The following REC114 variants were observed in gnomAD, a reference collection of about 807,000 sequenced individuals.
REC114 encodes the protein meiotic recombination protein REC114.
REC114 carries 27 observed loss-of-function variants against 31.3 expected under a neutral mutation model. That is an observed-to-expected ratio of 0.86 (90% confidence interval 0.64 to 1.19). REC114 has a LOEUF of 1.19. REC114 is among the 50% of genes most tolerant of loss of function. The pLI is 0.00. For missense variants in REC114, 344 were observed against 326.9 expected, an observed-to-expected ratio of 1.05 and a Z score of -0.40; for synonymous variants, 134 against 127.7, an observed-to-expected ratio of 1.05 and a Z score of -0.33.
chr15:73,484,209 T>G (rs1287756626), intron 2 of REC114, among the ~76,000 whole-genome samples: 1 of 152,076 alleles, frequency 6.6e-6, no homozygotes, highest in Non-Finnish European at 1.5e-5. Flanking sequence ...TGTTTCTTCT[T>G]TCAGCTTGGA....
chr15:73,475,560 A>G (rs1893199780), intron 2 of REC114, among the ~76,000 whole-genome samples: 1 of 152,242 alleles, frequency 6.6e-6, no homozygotes, highest in Non-Finnish European at 1.5e-5. Context: ...GTAAAACTAG[A>G]AAAAATATTG....
chr15:73,445,470 C>T (rs1892752108), intron 1 of REC114, among the ~76,000 whole-genome samples: 1 of 152,092 alleles, frequency 6.6e-6, no homozygotes, highest in Non-Finnish European at 1.5e-5. Flanking sequence ...AGAACTTTTC[C>T]TTTGCATTTA....
At chr15:73,489,754 A>C (rs532073095) in intron 2 of REC114, among the ~76,000 whole-genome samples, 1 of 151,754 alleles carries the variant, frequency 6.6e-6, no homozygotes, top group Admixed American at 6.6e-5. Flanking sequence ...CCAGAAAAAA[A>C]AAAAACAAAA....
At chr15:73,528,057 C>CT (rs1346499314) in intron 2 of REC114, among the ~76,000 whole-genome samples, 2 of 151,794 alleles carry the variant, frequency 1.3e-5, no homozygotes, top group African/African-American at 4.9e-5. Context: ...TCAAATGACA[C>CT]TTTTTTAAAA....
intron 2 of REC114, among the ~76,000 whole-genome samples, chr15:73,478,487 C>T (rs1403033586): frequency 6.6e-6 from 1 of 151,980 alleles, no homozygotes; most frequent in East Asian, 1.9e-4. Flanking sequence ...CTGTCTTCTG[C>T]TTTGTTGTAA....
At chr15:73,460,112 C>G (rs1216237411) in intron 1 of REC114, among the ~76,000 whole-genome samples, 1 of 152,088 alleles carries the variant, frequency 6.6e-6, no homozygotes, top group Non-Finnish European at 1.5e-5. Context: ...ATAAATGTTT[C>G]CAACTTGGGA....
Position 73,443,185 on chromosome 15 carries a change from C to G in REC114, c.-1C>G. On this transcript the variant is annotated 5_prime_UTR_variant, in exon 1 of 6. Transcript: ENST00000331090. ...CGGCAGTGCGTGTGGTGAGGCAGGA[C>G]ATGGCGGAGGCAGGAAAAGTGCCCT... is the stretch of plus-strand genomic sequence containing the variant. 6.4e-7 allele frequency: 1 copy of G among 1,562,304 alleles called. No individual in the cohort carries two copies. Among genetic ancestry groups the G allele is most frequent in the South Asian group, 1.2e-5 (1 of 84,246 alleles).
intron 2 of REC114, among the ~76,000 whole-genome samples, chr15:73,509,167 G>A (rs1893726609): frequency 6.6e-6 from 1 of 152,152 alleles, no homozygotes. Flanking sequence ...TCTCAGAGTG[G>A]TTTTGATTTG....
At chr15:73,505,206 C>G (rs1198691616) in intron 2 of REC114, among the ~76,000 whole-genome samples, 1 of 152,156 alleles carries the variant, frequency 6.6e-6, no homozygotes, top group East Asian at 1.9e-4. Context: ...ACCTTAGATT[C>G]ACTATGTTTG....
rs542515741 is a variant in REC114, at chr15:73,553,292, A to T, written c.546+2142A>T. On this transcript the variant is annotated intron_variant, in intron 4 of 5. Coordinates refer to ENST00000331090, the MANE Select transcript of REC114 (RefSeq NM_001042367.2). ...GTTTGATTTTTGTGAAGATGTCTTAATGCTGAAGCTGCTTGCCTCACAAAC... is the reference window on the plus strand; with the variant it reads ...GTTTGATTTTTGTGAAGATGTCTTATTGCTGAAGCTGCTTGCCTCACAAAC... 7.5e-4 allele frequency among the ~76,000 whole-genome samples: 114 copies of T among 152,318 alleles called. 1 individual carries two copies. In the South Asian group the frequency reaches 0.014, roughly 18 times the overall value.
intron 1 of REC114, among the ~76,000 whole-genome samples, chr15:73,454,030 A>C (rs1892886103): frequency 6.6e-6 from 1 of 152,136 alleles, no homozygotes; most frequent in African/African-American, 2.4e-5. Context: ...CCACAGGTTA[A>C]TGGGTGCAGC....
At chr15:73,500,720 C>T (rs1310723630) in intron 2 of REC114, among the ~76,000 whole-genome samples, 5 of 142,128 alleles carry the variant, frequency 3.5e-5, no homozygotes, top group East Asian at 2.1e-4. Flanking sequence ...CTGTTCTCTT[C>T]AATTATTGTT....
chr15:73,496,202 A>G (rs1299967912), intron 2 of REC114, among the ~76,000 whole-genome samples: 2 of 151,630 alleles, frequency 1.3e-5, no homozygotes, highest in Non-Finnish European at 2.9e-5. Context: ...AAATACAAAA[A>G]TTAGTTGAGT....
chr15:73,471,234 G>C (rs1893128207), intron 1 of REC114, among the ~76,000 whole-genome samples: 1 of 152,118 alleles, frequency 6.6e-6, no homozygotes, highest in Non-Finnish European at 1.5e-5. Context: ...ATTTAGACAA[G>C]ACCTATAAGA....
At position 73,511,976 on chromosome 15, in the gene REC114, T is replaced by C. The variant is rs1396347836; in HGVS notation, c.250-28509T>C. ...CTATTAGGTCCGCTTGGTGCAGAGC[T>C]GAGTTCAATTCCTGGGTATCCTTGT... is the stretch of plus-strand genomic sequence containing the variant. On this transcript the variant is annotated intron_variant, in intron 2 of 5. Transcript: ENST00000331090. Among the ~76,000 whole-genome samples, 4 of 112,026 alleles carry C rather than the reference T, an allele frequency of 3.6e-5. No homozygotes were observed. In the East Asian group the frequency reaches 1.1e-3, roughly 30 times the overall value. 73.5% of individuals were successfully genotyped at this position (112,026 alleles called of 152,430 possible). A position where few individuals can be genotyped will look rare whatever the true frequency, so the allele number is the denominator to read the frequency against.
intron 2 of REC114, among the ~76,000 whole-genome samples, chr15:73,493,816 A>T (rs1260525125): frequency 6.6e-6 from 1 of 152,232 alleles, no homozygotes; most frequent in Non-Finnish European, 1.5e-5. Flanking sequence ...CCCTTCTGGT[A>T]TATCTGCCTA....
intron 2 of REC114, among the ~76,000 whole-genome samples, chr15:73,519,669 T>G (rs1053720026): frequency 3.3e-5 from 5 of 152,250 alleles, no homozygotes; most frequent in African/African-American, 1.2e-4. Context: ...AAAGAGATAT[T>G]CGTACACTCA....
At chr15:73,462,422 C>T (rs1893001626) in intron 1 of REC114, among the ~76,000 whole-genome samples, 1 of 152,074 alleles carries the variant, frequency 6.6e-6, no homozygotes, top group African/African-American at 2.4e-5. Flanking sequence ...ATCCTAAATA[C>T]AGTATCGTTG....
chr15:73,475,615 A>T (rs1162713124), intron 2 of REC114, among the ~76,000 whole-genome samples: 1 of 152,220 alleles, frequency 6.6e-6, no homozygotes, highest in Non-Finnish European at 1.5e-5. Flanking sequence ...GTTTTTTAAA[A>T]TTTTTTTGAA....
Sources: gnomAD v4.1 joint callset for allele counts (sites outside exome capture counted in the v4.1 genomes callset) on GRCh38, gnomAD v4.1.1 for gene constraint, MANE v1.5 for transcripts, NCBI Gene and HGNC (gene_info 2026-07-23, HGNC 2026-07-21) for gene names.